PLAT: variants seen among roughly 807,000 people sequenced by gnomAD.
PLAT encodes plasminogen activator, tissue type.
A neutral mutation model predicts 74.9 loss-of-function variants in PLAT; 48 were observed. That is an observed-to-expected ratio of 0.64 (90% CI 0.51 to 0.82). The LOEUF is 0.82. PLAT is among the 40% of genes least tolerant of loss of function. PLAT has a pLI of 0.00. For missense variants in PLAT, 673 were observed against 736.2 expected (o/e 0.91, Z 0.99); for synonymous variants, 307 against 294.4 (o/e 1.04, Z -0.44).
intron 7 of PLAT, among the ~76,000 whole-genome samples, chr8:42,184,172 C>G (rs8178888): frequency 4.9e-4 from 74 of 152,004 alleles, no homozygotes; most frequent in Non-Finnish European, 9.7e-4. Flanking sequence ...AACTCCTGGG[C>G]TCAAGCAGTT....
intron 1 of PLAT, chr8:42,193,559 C>A (rs1805768169): frequency 4.6e-6 from 1 of 216,420 alleles, no homozygotes; most frequent in African/African-American, 2.2e-5. Flanking sequence ...TCCCCATTCC[C>A]CTTTTCCCCA....
In PLAT at chr8:42,181,924, GC is replaced by G; in HGVS notation, c.889+12del. 1 of 1,566,160 alleles carries G rather than the reference GC, an allele frequency of 6.4e-7. No individual in the cohort carries two copies. The highest frequency in any genetic ancestry group is 1.1e-5 in the South Asian group (1 of 90,118). ...GACCAGGTGCAGGGAGGCAGCCGGG[GC>G]CCAGCCCTTACAGCAGGAGGGCACA... On this transcript the variant is annotated intron_variant, in intron 9 of 13. Transcript: ENST00000220809.
chr8:42,176,506 G>A (rs1223894771), intron 13 of PLAT, among the ~76,000 whole-genome samples: 3 of 152,220 alleles, frequency 2.0e-5, no homozygotes, highest in Non-Finnish European at 2.9e-5. Context: ...CTGGCGCCCT[G>A]AGCTGCCAGG....
At chr8:42,181,863 G>A (rs560409391) in intron 9 of PLAT, 74 bp downstream of exon 9, 2 of 828,530 alleles carry the variant, frequency 2.4e-6, no homozygotes, top group South Asian at 1.4e-5. Context: ...CAGCCATGAA[G>A]GCCTAGAAAG....
chr8:42,191,829 C>T (rs1230347985), intron 2 of PLAT, among the ~76,000 whole-genome samples: 1 of 152,028 alleles, frequency 6.6e-6, no homozygotes, highest in Non-Finnish European at 1.5e-5. Context: ...TCACCTGGCT[C>T]TCCCCGCTGT....
intron 7 of PLAT, chr8:42,184,797 C>T (rs1477693599): frequency 4.4e-6 from 1 of 227,534 alleles, no homozygotes; most frequent in Non-Finnish European, 8.4e-6. Flanking sequence ...TCCATTCATT[C>T]TCAAAAGGAC....
chr8:42,180,333 C>A lies in PLAT; in HGVS notation c.1131G>T (p.Arg377=). ...TCTGCTCCTCCTCGCCAGGGACCACCCGGTATGTTCTGCCCAAGATCACCG... is the reference window on the plus strand; with the variant it reads ...TCTGCTCCTCCTCGCCAGGGACCACACGGTATGTTCTGCCCAAGATCACCG... The part of the protein sequence containing the change: ...HLTVILGRTY[R]VVPGEEEQKF... The change falls in exon 11 of 14, where the codon CGG becomes CGT. Residue 377 remains arginine (R), a synonymous_variant. Transcript: ENST00000220809. The A allele has an allele frequency of 6.2e-7, 1 of 1,614,226 alleles. No individual in the cohort carries two copies. Among genetic ancestry groups the A allele is most frequent in the Non-Finnish European group, 8.5e-7 (1 of 1,180,026 alleles).
At chr8:42,181,860 G>T in intron 9 of PLAT, 77 bp downstream of exon 9, 1 of 839,470 alleles carries the variant, frequency 1.2e-6, no homozygotes, top group South Asian at 1.4e-5. Context: ...AGACAGCCAT[G>T]AAGGCCTAGA....
At chr8:42,183,571 G>T (rs999565780) in intron 7 of PLAT, among the ~76,000 whole-genome samples, 1 of 152,166 alleles carries the variant, frequency 6.6e-6, no homozygotes, top group Non-Finnish European at 1.5e-5. Flanking sequence ...GACTGTGTCT[G>T]CCAGTGTCCT....
chr8:42,177,188 C>A (rs1805007982), intron 13 of PLAT, among the ~76,000 whole-genome samples: 2 of 152,206 alleles, frequency 1.3e-5, no homozygotes, highest in South Asian at 4.1e-4. Flanking sequence ...AACTCCTGAC[C>A]TCAGGTGATC....
At chr8:42,188,865 C>T in intron 4 of PLAT, 69 bp downstream of exon 4, 2 of 1,393,746 alleles carry the variant, frequency 1.4e-6, no homozygotes, top group Non-Finnish European at 2.0e-6. Context: ...GCTCCAGCGA[C>T]CCTCCCACCT....
At chr8:42,181,167 A>C (rs764809871) in intron 9 of PLAT, among the ~76,000 whole-genome samples, 1 of 152,120 alleles carries the variant, frequency 6.6e-6, no homozygotes, top group Non-Finnish European at 1.5e-5. Flanking sequence ...ACTCACACTA[A>C]TGCCCTTGGG....
intron 11 of PLAT, 27 bp downstream of exon 11, chr8:42,180,215 C>A: frequency 6.2e-7 from 1 of 1,613,596 alleles, no homozygotes; most frequent in Non-Finnish European, 8.5e-7. Context: ...TCTGTATGAA[C>A]TGGAGCCGGG....
At position 42,187,512 on chromosome 8, in the gene PLAT, G is replaced by T; in HGVS notation, c.425C>A (p.Ala142Glu). 1 of 1,611,754 alleles carries T rather than the reference G, an allele frequency of 6.2e-7. No homozygotes were observed. Among genetic ancestry groups the T allele is most frequent in the Non-Finnish European group, 8.5e-7 (1 of 1,179,674 alleles). Residue 142 changes from alanine (A) to glutamate (E), a missense_variant, in exon 6 of 14, where the codon GCG becomes GAG. Coordinates refer to ENST00000220809, the MANE Select transcript of PLAT (RefSeq NM_000930.5). ...GTTGGTGCACTCGGCGCCACTCTCC[G>T]CTGTGCTCCACGTGCCCCTGTAGCT... ...GISYRGTWSTAESGAECTNWN... is the reference protein window; with the variant it reads ...GISYRGTWSTEESGAECTNWN...
intron 1 of PLAT, among the ~76,000 whole-genome samples, chr8:42,196,403 C>T (rs904587813): frequency 2.6e-5 from 4 of 152,172 alleles, no homozygotes; most frequent in Admixed American, 6.5e-5. Flanking sequence ...TAGCTCTGTC[C>T]GCATCACACA....
At position 42,207,484 on chromosome 8, in the gene PLAT, C is replaced by T. The variant is rs1585445463; in HGVS notation, c.-27+10G>A. 6.6e-6 allele frequency: 1 copy of T among 152,286 alleles called. No individual in the cohort carries two copies. The highest frequency in any genetic ancestry group is 6.5e-5 in the Admixed American group (1 of 15,276). 9.4% of individuals were successfully genotyped at this position (152,286 alleles called of 1,614,324 possible). The stretch of plus-strand genomic sequence containing the variant: ...GGAGACAGACCCCAAGGTACAGAAA[C>T]CCGACCTACCACGGCTTGCTCCTTC... On this transcript the variant is annotated intron_variant, in intron 1 of 13. Coordinates refer to ENST00000220809, the MANE Select transcript of PLAT (RefSeq NM_000930.5).
chr8:42,180,697 A>G lies in PLAT; in HGVS notation c.890-12T>C. ...CAGGCCGCAGGTGGCTGGGGAGGAA[A>G]GGACGAGGAGGCAGTCAGTCCCACA... On this transcript the variant is annotated splice_polypyrimidine_tract_variant and intron_variant, in intron 9 of 13. Coordinates refer to ENST00000220809, the MANE Select transcript of PLAT (RefSeq NM_000930.5). 1 of 1,548,758 alleles carries G rather than the reference A, an allele frequency of 6.5e-7. No individual in the cohort carries two copies. The highest frequency in any genetic ancestry group is 2.3e-5 in the East Asian group (1 of 44,330).
At chr8:42,201,230 C>T (rs914723960) in intron 1 of PLAT, among the ~76,000 whole-genome samples, 1 of 152,236 alleles carries the variant, frequency 6.6e-6, no homozygotes, top group Non-Finnish European at 1.5e-5. Flanking sequence ...ACTGCATTTA[C>T]AGCACACATT....
At chr8:42,182,230 A>G in intron 8 of PLAT, 4 of 466,646 alleles carry the variant, frequency 8.6e-6, no homozygotes, top group South Asian at 4.2e-5. Flanking sequence ...ATTTTCAGCC[A>G]CATCACAGGC....
Sources: allele counts gnomAD v4.1 joint callset (sites outside exome capture counted in the v4.1 genomes callset), GRCh38; gene constraint gnomAD v4.1.1; transcripts MANE v1.5; gene names NCBI Gene and HGNC (gene_info 2026-07-23, HGNC 2026-07-21).